Variants in SCCPDH observed in about 807,000 individuals in gnomAD.
The protein encoded by SCCPDH is saccharopine dehydrogenase (putative).
Under a neutral mutation model 51.5 loss-of-function variants are expected in SCCPDH, and 34 were observed. The observed-to-expected ratio is 0.66, with a 90% CI of 0.50 to 0.88. The LOEUF (loss-of-function observed/expected upper bound fraction) is 0.88, where lower values mean the gene tolerates loss of function less well. Ranked by LOEUF, SCCPDH falls within the 40% of genes least tolerant of loss-of-function variation. SCCPDH has a pLI of 0.00. For missense variants in SCCPDH, 464 were observed against 527.1 expected (o/e 0.88, Z 1.17); for synonymous variants, 187 against 191.3 (o/e 0.98, Z 0.19).
intron 6 of SCCPDH, among the ~76,000 whole-genome samples, chr1:246,758,643 T>C (rs1668966733): frequency 6.6e-6 from 1 of 152,186 alleles, no homozygotes; most frequent in African/African-American, 2.4e-5. Context: ...TCCTAGGAAA[T>C]AAGTGAATCT....
rs946802911 is a variant in SCCPDH at position 246,740,137 on chromosome 1, A to G, written c.385-35A>G. 2.0e-6 allele frequency: 3 copies of G among 1,517,418 alleles called. No individual in the cohort carries two copies. In the East Asian group the frequency reaches 6.8e-5, roughly 35 times the overall value. 94.0% of individuals were successfully genotyped at this position (1,517,418 alleles called of 1,614,324 possible). A position where few individuals can be genotyped will look rare whatever the true frequency, so the allele number is the denominator to read the frequency against. ...TTAATACTGGTCTACATCTTTCTGC[A>G]TAACTAATTAAAATTCTTATCCTGG... On this transcript the variant is annotated intron_variant, in intron 3 of 11. Transcript: ENST00000366510.
At position 246,740,254 on chromosome 1, in the gene SCCPDH, C is replaced by G. The variant is rs775999392; in HGVS notation, c.467C>G (p.Ser156Cys). 2.5e-6 allele frequency: 4 copies of G among 1,609,884 alleles called. No homozygotes were observed. In the African/African-American group the frequency reaches 4.0e-5, roughly 16 times the overall value. Reference sequence around the variant, plus strand: ...ATCATTGGAAGCAGCGGCTTTGACTCCATTCCAGCAGATCTGGGAGTAATA... The same window carrying G: ...ATCATTGGAAGCAGCGGCTTTGACTGCATTCCAGCAGATCTGGGAGTAATA... ...VYIIGSSGFD[S>C]IPADLGVIYT... Residue 156 changes from serine (S) to cysteine (C), a missense_variant, in exon 4 of 12, where the codon TCC becomes TGC. Physicochemically the swap from Ser to Cys is moderately radical, Grantham distance 112. Transcript: ENST00000366510.
rs1668409675 is a variant in SCCPDH at position 246,726,992 on chromosome 1, T to C, written c.291T>C (p.Asn97=). ...EMAKQATVVL[N]CVGPYRFYGE... Reference sequence around the variant, plus strand: ...CTAAACAGGCAACAGTTGTCCTCAATTGCGTAGGACCAGTAAGTAATCAAC... The same window carrying C: ...CTAAACAGGCAACAGTTGTCCTCAACTGCGTAGGACCAGTAAGTAATCAAC... Residue 97 remains asparagine (N), a synonymous_variant, in exon 2 of 12, where the codon AAT becomes AAC. Transcript: ENST00000366510. 5 of 1,609,080 alleles carry C rather than the reference T, an allele frequency of 3.1e-6. No individual in the cohort carries two copies. Among genetic ancestry groups the C allele is most frequent in the Admixed American group, 1.7e-5 (1 of 60,030 alleles).
intron 10 of SCCPDH, among the ~76,000 whole-genome samples, chr1:246,764,769 A>T (rs1669065362): frequency 6.6e-6 from 1 of 152,264 alleles, no homozygotes; most frequent in African/African-American, 2.4e-5. Flanking sequence ...GCACTTTTCA[A>T]GGGAAGGGAA....
At chr1:246,749,284 A>G (rs1185172348) in intron 5 of SCCPDH, among the ~76,000 whole-genome samples, 2 of 152,246 alleles carry the variant, frequency 1.3e-5, no homozygotes, top group Non-Finnish European at 2.9e-5. Context: ...TATCCATTCC[A>G]GCCAAGCATT....
intron 3 of SCCPDH, among the ~76,000 whole-genome samples, chr1:246,736,929 A>T (rs915297407): frequency 6.6e-6 from 1 of 152,176 alleles, no homozygotes; most frequent in Non-Finnish European, 1.5e-5. Flanking sequence ...AAGCTTAGGA[A>T]GCTTAAGTAA....
intron 5 of SCCPDH, among the ~76,000 whole-genome samples, chr1:246,757,366 G>A (rs1228587266): frequency 9.4e-6 from 1 of 106,084 alleles, no homozygotes; most frequent in Non-Finnish European, 2.0e-5. Context: ...AAAAAAAAAA[G>A]GGCCAGCGCT....
At chr1:246,766,308 A>C (rs949317163) in intron 11 of SCCPDH, among the ~76,000 whole-genome samples, 169 bp downstream of exon 11, 5 of 152,246 alleles carry the variant, frequency 3.3e-5, no homozygotes, top group African/African-American at 1.2e-4. Context: ...GCTTCTTACC[A>C]GCCCAGAGTT....
chr1:246,745,117 G>T (rs1668738153), intron 5 of SCCPDH, among the ~76,000 whole-genome samples: 1 of 152,228 alleles, frequency 6.6e-6, no homozygotes, highest in South Asian at 2.1e-4. Flanking sequence ...CCAAACAGAG[G>T]TGTATGAGGT....
chr1:246,754,691 A>G (rs3007327), intron 5 of SCCPDH, among the ~76,000 whole-genome samples: 149,172 of 152,332 alleles, frequency 0.98, 73,115 homozygotes, highest in East Asian at 1. Context: ...CACTGAGCAG[A>G]CATGTGTCCG....
chr1:246,746,209 G>T (rs561282337), intron 5 of SCCPDH, among the ~76,000 whole-genome samples: 1 of 151,536 alleles, frequency 6.6e-6, no homozygotes, highest in Non-Finnish European at 1.5e-5. Flanking sequence ...GTGAGCAATT[G>T]CTGTCCCTTT....
intron 9 of SCCPDH, among the ~76,000 whole-genome samples, chr1:246,762,666 C>G (rs1461120931): frequency 6.6e-6 from 1 of 151,888 alleles, no homozygotes; most frequent in Non-Finnish European, 1.5e-5. Context: ...ACAGGTGAAA[C>G]TTCATCTCTA....
intron 1 of SCCPDH, 48 bp downstream of exon 1, chr1:246,724,660 A>AC (rs1346655408): frequency 1.4e-6 from 2 of 1,400,150 alleles, no homozygotes; most frequent in Admixed American, 3.4e-5. Context: ...TGGGCCGGGG[A>AC]CCCCGCATCG....
At chr1:246,761,534 C>T (rs1032867597) in intron 9 of SCCPDH, among the ~76,000 whole-genome samples, 1 of 152,244 alleles carries the variant, frequency 6.6e-6, no homozygotes, top group Non-Finnish European at 1.5e-5. Context: ...TGAAACTCTA[C>T]ACCCGTGAAA....
At chr1:246,759,193 A>G in intron 7 of SCCPDH, 42 bp downstream of exon 7, 2 of 1,064,066 alleles carry the variant, frequency 1.9e-6, no homozygotes, top group Non-Finnish European at 2.9e-6. Flanking sequence ...TGTGTGTTAC[A>G]GTTCCTCTTT....
intron 3 of SCCPDH, among the ~76,000 whole-genome samples, chr1:246,736,831 A>G (rs1668599441): frequency 6.6e-6 from 1 of 152,248 alleles, no homozygotes; most frequent in Admixed American, 6.5e-5. Context: ...CCATATGCCC[A>G]ACATTGTGCT....
intron 1 of SCCPDH, 21 bp downstream of exon 1, chr1:246,724,633 G>A (rs1486303463): frequency 2.8e-6 from 4 of 1,440,714 alleles, no homozygotes; most frequent in Non-Finnish European, 2.7e-6. Flanking sequence ...GGGGCGGGAC[G>A]GGGCTGCGCG....
chr1:246,762,308 A>G (rs1323560628), intron 9 of SCCPDH, among the ~76,000 whole-genome samples: 2 of 152,212 alleles, frequency 1.3e-5, no homozygotes, highest in Non-Finnish European at 2.9e-5. Context: ...ATTTTCTGTT[A>G]TTCTTTGGGT....
At position 246,745,237 on chromosome 1, in the gene SCCPDH, A is replaced by G. The variant is rs183990253; in HGVS notation, c.564+1112A>G. Among the ~76,000 whole-genome samples the G allele has an allele frequency of 1.1e-4, 17 of 152,320 alleles. No individual in the cohort carries two copies. The East Asian group carries it at 3.1e-3, about 28-fold the overall frequency. On this transcript the variant is annotated intron_variant, in intron 5 of 11. Transcript: ENST00000366510. ...AAGACAGTTGCATTTCTGGGAAAGG[A>G]CCATGTTTTATGACAATACTTTTAT...
Sources: gnomAD v4.1 joint callset for allele counts (sites outside exome capture counted in the v4.1 genomes callset) on GRCh38, gnomAD v4.1.1 for gene constraint, MANE v1.5 for transcripts, NCBI Gene and HGNC (gene_info 2026-07-23, HGNC 2026-07-21) for gene names.